The following NRXN3 variants were observed in gnomAD, a reference collection of about 807,000 sequenced individuals.
The protein encoded by NRXN3 is neurexin 3, also known as neurexin III.
NRXN3 carries 32 observed loss-of-function variants against 137.6 expected under a neutral mutation model. The ratio of observed to expected loss-of-function variants is 0.23; its 90% CI spans 0.18 to 0.31. The LOEUF is 0.31. Among genes scored for constraint, NRXN3 ranks in the 10% least tolerant of loss-of-function variants. The pLI, the probability that NRXN3 is intolerant of heterozygous loss-of-function variation, is 1.00. For synonymous variants in NRXN3, 798 were observed against 784.5 expected (o/e 1.02, Z -0.29); for missense variants, 1,574 against 2,062.5 (o/e 0.76, Z 4.59).
chr14:78,814,624 A>C (rs1025520625), intron 10 of NRXN3, among the ~76,000 whole-genome samples: 2 of 152,160 alleles, frequency 1.3e-5, no homozygotes, highest in African/African-American at 4.8e-5. Flanking sequence ...AAAAACAAAA[A>C]CAAAAACAAA....
In NRXN3 at chr14:78,428,361, C is replaced by T. The variant is rs997516206; in HGVS notation, c.757+130501C>T. On this transcript the variant is annotated intron_variant, in intron 4 of 20. Coordinates refer to ENST00000335750, the MANE Select transcript of NRXN3 (RefSeq NM_001330195.2). ...AACTTAGGCCAACATCAACCCTATTCCCAACAATATGCCCAGCTGTATTCC... is the reference window on the plus strand; with the variant it reads ...AACTTAGGCCAACATCAACCCTATTTCCAACAATATGCCCAGCTGTATTCC... Among the ~76,000 whole-genome samples, 41 of 152,248 alleles carry T rather than the reference C, an allele frequency of 2.7e-4. 1 individual carries two copies. The highest frequency in any genetic ancestry group is 9.4e-4 in the African/African-American group (39 of 41,538).
At chr14:78,969,577 T>C (rs375208117) in intron 14 of NRXN3, among the ~76,000 whole-genome samples, 35 of 152,332 alleles carry the variant, frequency 2.3e-4, no homozygotes, top group African/African-American at 7.9e-4. Context: ...ATCGCTTCTG[T>C]TCTTAAACAG....
rs776143416 is a variant in NRXN3 at position 79,790,160 on chromosome 14, T to C, written c.4015-14952T>C. On this transcript the variant is annotated intron_variant, in intron 19 of 20. Transcript: ENST00000335750. The stretch of plus-strand genomic sequence containing the variant: ...AAATAATTTATAGAGAAAAGAGGTT[T>C]ATTTGGCTCACAGTCTGTAGGCTGT... Among the ~76,000 whole-genome samples the C allele has an allele frequency of 8.7e-4, 133 of 152,238 alleles. 3 individuals carry two copies. Among genetic ancestry groups the C allele is most frequent in the Non-Finnish European group, 2.2e-4 (15 of 68,022 alleles).
chr14:79,067,031 C>T (rs957940286), intron 15 of NRXN3, among the ~76,000 whole-genome samples: 3 of 152,078 alleles, frequency 2.0e-5, no homozygotes, highest in African/African-American at 7.2e-5. Flanking sequence ...GGAAAGGCAT[C>T]GTTGTCTTGT....
In NRXN3 at chr14:79,729,398, C is replaced by G. The variant is rs74786610; in HGVS notation, c.4014+31461C>G. ...TATATCCTATTAAGGCCACACCTGTCTGCAAAACAGGTGGGATCCATGTGA... is the reference window on the plus strand; with the variant it reads ...TATATCCTATTAAGGCCACACCTGTGTGCAAAACAGGTGGGATCCATGTGA... On this transcript the variant is annotated intron_variant, in intron 19 of 20. Transcript: ENST00000335750. Among the ~76,000 whole-genome samples the G allele has an allele frequency of 3.5e-3, 526 of 152,218 alleles. 1 individual carries two copies. Among genetic ancestry groups the G allele is most frequent in the African/African-American group, 0.012 (494 of 41,526 alleles).
chr14:78,265,398 C>T (rs547438171), intron 2 of NRXN3, among the ~76,000 whole-genome samples: 78 of 151,986 alleles, frequency 5.1e-4, no homozygotes, highest in African/African-American at 1.4e-3. Flanking sequence ...GATGAGGTGA[C>T]GAGACAGATG....
In NRXN3 at chr14:78,780,624, G is replaced by T. The variant is rs189093532; in HGVS notation, c.2045-22996G>T. ...TCAAGAGAAAGAAAAATAACCCAATGAAAAATGAGCAAAGGATATGAATAA... is the reference window on the plus strand; with the variant it reads ...TCAAGAGAAAGAAAAATAACCCAATTAAAAATGAGCAAAGGATATGAATAA... On this transcript the variant is annotated intron_variant, in intron 8 of 20. Coordinates refer to ENST00000335750, the MANE Select transcript of NRXN3 (RefSeq NM_001330195.2). Among the ~76,000 whole-genome samples the T allele has an allele frequency of 2.8e-3, 429 of 152,148 alleles. 1 individual carries two copies. Among genetic ancestry groups the T allele is most frequent in the Non-Finnish European group, 4.3e-3 (294 of 67,982 alleles).
intron 15 of NRXN3, among the ~76,000 whole-genome samples, chr14:79,230,229 A>C (rs1246118479): frequency 6.6e-6 from 1 of 151,988 alleles, no homozygotes; most frequent in Non-Finnish European, 1.5e-5. Context: ...AACGGTTTTG[A>C]AGAAAGAAGG....
intron 4 of NRXN3, among the ~76,000 whole-genome samples, chr14:78,547,169 T>C (rs541675888): frequency 1.3e-5 from 2 of 152,206 alleles, no homozygotes; most frequent in African/African-American, 4.8e-5. Context: ...TAATGTCTGA[T>C]ATCTATGAAG....
chr14:78,606,394 T>TCTCTGTC (rs1456924085), intron 4 of NRXN3, among the ~76,000 whole-genome samples: 1 of 152,172 alleles, frequency 6.6e-6, no homozygotes, highest in Admixed American at 6.5e-5. Flanking sequence ...TTCTCTGTCT[T>TCTCTGTC]TCCCCCTAAC....
intron 16 of NRXN3, among the ~76,000 whole-genome samples, chr14:79,568,413 A>C (rs1284204105): frequency 2.0e-5 from 3 of 152,152 alleles, no homozygotes; most frequent in Non-Finnish European, 2.9e-5. Context: ...AGTGCTTAGA[A>C]CTTTCAATGA....
chr14:78,401,894 G>C (rs544463290), intron 4 of NRXN3, among the ~76,000 whole-genome samples: 128 of 152,284 alleles, frequency 8.4e-4, no homozygotes, highest in African/African-American at 2.6e-3. Context: ...TTAATGCCTT[G>C]ACTAGATCAA....
At chr14:79,615,205 T>C (rs1158178621) in intron 16 of NRXN3, among the ~76,000 whole-genome samples, 1 of 152,210 alleles carries the variant, frequency 6.6e-6, no homozygotes, top group Non-Finnish European at 1.5e-5. Flanking sequence ...TTAGAGAATA[T>C]GTACACGGGA....
chr14:78,744,202 C>T (rs746457), intron 8 of NRXN3, among the ~76,000 whole-genome samples: 72,218 of 152,024 alleles, frequency 0.48, 20,877 homozygotes, highest in Admixed American at 0.65. Context: ...AGTGCAGTGA[C>T]GCGATCTCAG....
chr14:78,640,209 A>G (rs1452075433), intron 4 of NRXN3, among the ~76,000 whole-genome samples: 2 of 152,152 alleles, frequency 1.3e-5, no homozygotes, highest in Admixed American at 1.3e-4. Context: ...TGTAAACCTC[A>G]CTATATCCAG....
chr14:79,171,329 G>T (rs1384535981), intron 15 of NRXN3, among the ~76,000 whole-genome samples: 1 of 152,106 alleles, frequency 6.6e-6, no homozygotes, highest in Non-Finnish European at 1.5e-5. Context: ...GGAATAGGGG[G>T]AATTAGATTT....
chr14:79,192,147 A>T (rs1045921315), intron 15 of NRXN3, among the ~76,000 whole-genome samples: 2 of 152,162 alleles, frequency 1.3e-5, no homozygotes, highest in African/African-American at 4.8e-5. Context: ...TCGGCCTCCC[A>T]AAGTGCTGGG....
intron 15 of NRXN3, among the ~76,000 whole-genome samples, chr14:79,112,624 C>A (rs2053738179): frequency 6.6e-6 from 1 of 152,206 alleles, no homozygotes; most frequent in South Asian, 2.1e-4. Context: ...GAAGTGTTGT[C>A]TGCACATGCC....
intron 4 of NRXN3, among the ~76,000 whole-genome samples, chr14:78,581,647 T>C (rs1460898270): frequency 6.6e-6 from 1 of 152,248 alleles, no homozygotes; most frequent in Non-Finnish European, 1.5e-5. Context: ...TTATTTTTCC[T>C]GCTTGAGTAT....
Sources: gnomAD v4.1 joint callset for allele counts (sites outside exome capture counted in the v4.1 genomes callset) on GRCh38, gnomAD v4.1.1 for gene constraint, MANE v1.5 for transcripts, NCBI Gene and HGNC (gene_info 2026-07-23, HGNC 2026-07-21) for gene names.